CHRM3: variants seen among roughly 807,000 people sequenced by gnomAD.
The protein encoded by CHRM3 is cholinergic receptor muscarinic 3.
In CHRM3, 11 loss-of-function variants were observed where a neutral mutation model predicts 41.8. The ratio of observed to expected loss-of-function variants is 0.26; its 90% CI spans 0.17 to 0.44. The LOEUF (loss-of-function observed/expected upper bound fraction) is 0.44. Ranked by LOEUF, CHRM3 falls within the 20% of genes least tolerant of loss-of-function variation. The pLI is 1.00. For missense variants in CHRM3, 571 were observed against 745.4 expected, an observed-to-expected ratio of 0.77 and a Z score of 2.72; for synonymous variants, 297 against 301.4, an observed-to-expected ratio of 0.99 and a Z score of 0.15.
chr1:239,781,099 T>C (rs533903946), intron 5 of CHRM3, among the ~76,000 whole-genome samples: 1 of 152,232 alleles, frequency 6.6e-6, no homozygotes, highest in East Asian at 1.9e-4. Flanking sequence ...ATCTTTTGCC[T>C]CTCCATGTAA....
At chr1:239,520,461 G>A (rs1669566687) in intron 2 of CHRM3, among the ~76,000 whole-genome samples, 1 of 152,032 alleles carries the variant, frequency 6.6e-6, no homozygotes, top group South Asian at 2.1e-4. Flanking sequence ...CACCCCGCTT[G>A]CTCTCTCTTG....
intron 5 of CHRM3, among the ~76,000 whole-genome samples, chr1:239,819,843 GGAA>G (rs1177089173): frequency 4.6e-5 from 7 of 152,134 alleles, no homozygotes; most frequent in Admixed American, 4.6e-4. Context: ...TGGTTTTCAC[GGAA>G]GAAGAGACAA....
chr1:239,683,832 C>A (rs1658810892), intron 5 of CHRM3, among the ~76,000 whole-genome samples: 2 of 151,730 alleles, frequency 1.3e-5, no homozygotes. Flanking sequence ...CTTTTCTTGG[C>A]AAAGCTTAAA....
Position 239,476,446 on chromosome 1 carries a change from C to T in CHRM3, c.-520-16263C>T, listed in dbSNP as rs190312721. 3.7e-5 allele frequency among the ~76,000 whole-genome samples: 5 copies of T among 135,428 alleles called. No homozygotes were observed. The East Asian group carries it at 8.7e-4, about 24-fold the overall frequency. The allele number at this position is 135,428 out of a possible 152,430, so 88.8% of individuals were successfully genotyped here. A position where few individuals can be genotyped will look rare whatever the true frequency, so the allele number is the denominator to read the frequency against. On this transcript the variant is annotated intron_variant, in intron 1 of 6. Coordinates refer to ENST00000676153, the MANE Select transcript of CHRM3 (RefSeq NM_001375978.1). ...TGCCATTACACTCCAACCTGGGTGA[C>T]AGAGCAAGACTCCATCCAAAAAAAA...
rs1237121414 is a variant in CHRM3 at position 239,910,192 on chromosome 1, A to G, written c.*968A>G. On this transcript the variant is annotated 3_prime_UTR_variant, in exon 7 of 7. Transcript: ENST00000676153. Reference sequence around the variant, plus strand: ...CCTCTGAGCTCAAAGAATGAACCACATCCACACGTTTGAATTTAATCATCT... The same window carrying G: ...CCTCTGAGCTCAAAGAATGAACCACGTCCACACGTTTGAATTTAATCATCT... 1 of 166,958 alleles carries G rather than the reference A, an allele frequency of 6.0e-6. No homozygotes were observed. The highest frequency in any genetic ancestry group is 2.4e-5 in the African/African-American group (1 of 41,416). 10.3% of individuals were successfully genotyped at this position (166,958 alleles called of 1,614,324 possible).
chr1:239,708,585 G>A (rs897308780), intron 5 of CHRM3, among the ~76,000 whole-genome samples: 11 of 151,818 alleles, frequency 7.2e-5, no homozygotes, highest in Admixed American at 2.6e-4. Context: ...ATTTTTCTCC[G>A]CAGCACCATT....
intron 6 of CHRM3, among the ~76,000 whole-genome samples, chr1:239,889,803 C>T (rs570390310): frequency 6.6e-6 from 1 of 152,136 alleles, no homozygotes; most frequent in African/African-American, 2.4e-5. Context: ...CAGAGAGCAT[C>T]AGGCATAATG....
intron 2 of CHRM3, among the ~76,000 whole-genome samples, chr1:239,532,236 C>T (rs1657670974): frequency 1.4e-5 from 2 of 147,648 alleles, no homozygotes; most frequent in South Asian, 4.4e-4. Flanking sequence ...TGGTCTCAAT[C>T]TCCTGACCTC....
chr1:239,601,954 C>G (rs540335696), intron 3 of CHRM3, among the ~76,000 whole-genome samples: 1 of 151,646 alleles, frequency 6.6e-6, no homozygotes, highest in Non-Finnish European at 1.5e-5. Flanking sequence ...CCCATAATGT[C>G]AATAAATTGA....
intron 1 of CHRM3, among the ~76,000 whole-genome samples, chr1:239,468,884 A>G (rs1189805857): frequency 6.6e-6 from 1 of 152,220 alleles, no homozygotes; most frequent in Non-Finnish European, 1.5e-5. Context: ...AAAACAGGAG[A>G]CAAAGCTACA....
chr1:239,785,214 A>C (rs2148823912), intron 5 of CHRM3, among the ~76,000 whole-genome samples: 1 of 152,296 alleles, frequency 6.6e-6, no homozygotes, highest in African/African-American at 2.4e-5. Context: ...TTGCTCCCCT[A>C]TAAAAGCCAA....
chr1:239,518,231 G>A (rs1252668656), intron 2 of CHRM3, among the ~76,000 whole-genome samples: 1 of 152,194 alleles, frequency 6.6e-6, no homozygotes, highest in Non-Finnish European at 1.5e-5. Flanking sequence ...TCTGTAAGAA[G>A]CAAAAGTAAT....
intron 5 of CHRM3, among the ~76,000 whole-genome samples, chr1:239,795,015 C>T (rs1486030970): frequency 6.6e-6 from 1 of 152,164 alleles, no homozygotes; most frequent in Non-Finnish European, 1.5e-5. Context: ...CATTAATTAG[C>T]TCACACTGGT....
intron 3 of CHRM3, among the ~76,000 whole-genome samples, chr1:239,580,260 A>T (rs1225864711): frequency 3.2e-3 from 6 of 1,874 alleles, no homozygotes; most frequent in Non-Finnish European, 7.4e-3. Context: ...ACACACTGTC[A>T]CACACACACA....
At chr1:239,400,823 T>C (rs1659906433) in intron 1 of CHRM3, among the ~76,000 whole-genome samples, 1 of 152,176 alleles carries the variant, frequency 6.6e-6, no homozygotes, top group Non-Finnish European at 1.5e-5. Context: ...TGTGTTTTTA[T>C]GCCAGTACCA....
intron 6 of CHRM3, among the ~76,000 whole-genome samples, chr1:239,866,270 G>C (rs182484614): frequency 2.0e-5 from 3 of 152,004 alleles, no homozygotes; most frequent in Non-Finnish European, 4.4e-5. Context: ...CCAGCTACTC[G>C]GGAGGCTGAG....
intron 2 of CHRM3, among the ~76,000 whole-genome samples, chr1:239,542,995 T>C (rs1658923913): frequency 6.6e-6 from 1 of 152,244 alleles, no homozygotes; most frequent in South Asian, 2.1e-4. Context: ...GTCCACTCTT[T>C]GCCCTTAAAT....
intron 2 of CHRM3, among the ~76,000 whole-genome samples, chr1:239,533,675 G>A (rs1657891505): frequency 6.9e-6 from 1 of 144,324 alleles, no homozygotes; most frequent in African/African-American, 2.6e-5. Flanking sequence ...AGGCTTCAGT[G>A]AGCCGAGATT....
At position 239,779,065 on chromosome 1, in the gene CHRM3, T is replaced by A. The variant is rs546780072; in HGVS notation, c.-146-48187T>A. ...CTTAATATTTCCATCTTAATATTTA[T>A]AATATTTTATATTCCTTTCCTGATG... is the stretch of plus-strand genomic sequence containing the variant. On this transcript the variant is annotated intron_variant, in intron 5 of 6. Transcript: ENST00000676153. Among the ~76,000 whole-genome samples the A allele has an allele frequency of 1.4e-4, 21 of 152,364 alleles. No individual in the cohort carries two copies. In the South Asian group the frequency reaches 4.3e-3, roughly 32 times the overall value.
Sources: allele counts gnomAD v4.1 joint callset (sites outside exome capture counted in the v4.1 genomes callset), GRCh38; gene constraint gnomAD v4.1.1; transcripts MANE v1.5; gene names NCBI Gene and HGNC (gene_info 2026-07-23, HGNC 2026-07-21).